TSKS: variants seen among roughly 807,000 people sequenced by gnomAD.
TSKS encodes testis-specific serine kinase substrate.
Under a neutral mutation model 68.0 loss-of-function variants are expected in TSKS, and 27 were observed. The ratio of observed to expected loss-of-function variants is 0.40; its 90% CI spans 0.29 to 0.55. The LOEUF is 0.55. TSKS is among the 20% of genes least tolerant of loss of function. The probability of loss-of-function intolerance (pLI) is 0.53; values close to 1 mark genes in which losing one functional copy is unlikely to be tolerated. For synonymous variants in TSKS, 331 were observed against 340.4 expected (o/e 0.97, Z 0.30); for missense variants, 806 against 776.0 (o/e 1.04, Z -0.46).
Position 49,763,147 on chromosome 19 carries a change from T to G in TSKS, c.101A>C (p.Glu34Ala), listed in dbSNP as rs955738462. 4.3e-6 allele frequency: 7 copies of G among 1,610,670 alleles called. No homozygotes were observed. Among genetic ancestry groups the G allele is most frequent in the Non-Finnish European group, 5.9e-6 (7 of 1,178,468 alleles). ...GVESCSQLVP[E>A]APRRVTSRAK... ...CCGGCTGGTCACCCTCCGGGGAGCC[T>G]CTGGGACTAGCTGGGAGCAGCTCTC... is the stretch of plus-strand genomic sequence containing the variant. Residue 34 changes from glutamate to alanine, a missense_variant, in exon 1 of 11, where the codon GAG (glutamate) becomes GCG (alanine). Glu to Ala is a moderately radical substitution (Grantham distance 107, BLOSUM62 -1). Coordinates refer to ENST00000246801, the MANE Select transcript of TSKS (RefSeq NM_021733.2). This position sits in a 1 kb window ranked among gnomAD's most constrained non-coding sequence, Gnocchi z 4.5.
At chr19:49,741,407 T>G (rs534065825) in intron 9 of TSKS, among the ~76,000 whole-genome samples, 13 of 152,332 alleles carry the variant, frequency 8.5e-5, no homozygotes, top group Admixed American at 6.5e-4. Flanking sequence ...ACTATTGGGC[T>G]GAGTGTGTTG....
intron 2 of TSKS, among the ~76,000 whole-genome samples, chr19:49,749,086 T>A (rs2084327389): frequency 6.6e-6 from 1 of 151,390 alleles, no homozygotes; most frequent in African/African-American, 2.4e-5. Context: ...GTCCTTGGGG[T>A]CCACAGCTTA....
intron 5 of TSKS, 124 bp from the exon 6 acceptor site, chr19:49,746,922 T>C: frequency 6.7e-7 from 1 of 1,488,086 alleles, no homozygotes; most frequent in Non-Finnish European, 8.9e-7. Context: ...GGACAGTATG[T>C]TGGAAGTCTC....
intron 2 of TSKS, among the ~76,000 whole-genome samples, chr19:49,760,129 TAC>T (rs1414798809): frequency 7.2e-5 from 11 of 151,782 alleles, no homozygotes; most frequent in Admixed American, 6.6e-4. Flanking sequence ...CCAGCCTGGC[TAC>T]AGAGTGAGAC....
chr19:49,745,433 G>A, intron 6 of TSKS, 37 bp from the exon 7 acceptor site: 1 of 1,457,544 alleles, frequency 6.9e-7, no homozygotes, highest in Non-Finnish European at 9.1e-7. Flanking sequence ...TAGGGGCTAG[G>A]CTTCAACAGG....
Position 49,763,051 on chromosome 19 carries a change from A to G in TSKS, c.170+27T>C. On this transcript the variant is annotated intron_variant, in intron 1 of 10. Coordinates refer to ENST00000246801, the MANE Select transcript of TSKS (RefSeq NM_021733.2). The surrounding 1 kb of genome is among the most constrained non-coding windows in gnomAD (Gnocchi z 4.5). Reference sequence around the variant, plus strand: ...GGAGGTAGTGCTGGGCATTAGAACCATCCCTGACAGTGTGCAACAAACCCA... The same window carrying G: ...GGAGGTAGTGCTGGGCATTAGAACCGTCCCTGACAGTGTGCAACAAACCCA... The G allele has an allele frequency of 6.2e-7, 1 of 1,604,076 alleles. No homozygotes were observed.
At chr19:49,759,170 T>A (rs532866391) in intron 2 of TSKS, among the ~76,000 whole-genome samples, 132 of 151,550 alleles carry the variant, frequency 8.7e-4, no homozygotes, top group African/African-American at 2.9e-3. Context: ...AATATTTTTT[T>A]AAAAAATTAG....
At position 49,757,433 on chromosome 19, in the gene TSKS, T is replaced by A. The variant is rs1406967148; in HGVS notation, c.399+4571A>T. Among the ~76,000 whole-genome samples the A allele has an allele frequency of 2.6e-5, 4 of 152,216 alleles. No homozygotes were observed. In the East Asian group the frequency reaches 7.7e-4, roughly 29 times the overall value. On this transcript the variant is annotated intron_variant, in intron 2 of 10. Transcript: ENST00000246801. Reference sequence around the variant, plus strand: ...AATAGAAAGCATTACACAAAGTGTCTTTCTAACCTGAAGACTCAGAAGGTC... The same window carrying A: ...AATAGAAAGCATTACACAAAGTGTCATTCTAACCTGAAGACTCAGAAGGTC...
intron 2 of TSKS, among the ~76,000 whole-genome samples, chr19:49,750,878 T>C (rs1447019419): frequency 6.6e-6 from 1 of 152,162 alleles, no homozygotes; most frequent in Non-Finnish European, 1.5e-5. Context: ...GCTGAACTAA[T>C]ACACAAAAGA....
chr19:49,759,647 C>CA (rs58074826), intron 2 of TSKS, among the ~76,000 whole-genome samples: 1,838 of 112,518 alleles, frequency 0.016, 21 homozygotes, highest in Non-Finnish European at 0.021. Flanking sequence ...GACCCAGTCT[C>CA]AAAAAAAAAA....
chr19:49,747,496 G>T (rs1304540893), intron 4 of TSKS, 24 bp from the exon 5 acceptor site: 1 of 1,612,768 alleles, frequency 6.2e-7, no homozygotes, highest in East Asian at 2.2e-5. Flanking sequence ...CAGGGCGAGG[G>T]CCCTGCCTTC....
chr19:49,747,967 C>G, intron 4 of TSKS, 118 bp downstream of exon 4: 1 of 988,654 alleles, frequency 1.0e-6, no homozygotes. Context: ...CCTCGGCCTC[C>G]CAAAGTGCTG....
intron 2 of TSKS, among the ~76,000 whole-genome samples, chr19:49,753,285 G>A (rs954521712): frequency 2.6e-5 from 4 of 152,022 alleles, no homozygotes; most frequent in South Asian, 2.1e-4. Flanking sequence ...AAAATAGGCC[G>A]GGCGTGTTGG....
At chr19:49,761,983 G>T (rs751372849) in intron 2 of TSKS, 21 bp downstream of exon 2, 11 of 1,588,176 alleles carry the variant, frequency 6.9e-6, no homozygotes, top group Non-Finnish European at 9.5e-6. Context: ...CTCCCCAGCG[G>T]GTGGTGTGGA....
At chr19:49,748,688 T>C (rs1370856426) in intron 2 of TSKS, among the ~76,000 whole-genome samples, 2 of 151,262 alleles carry the variant, frequency 1.3e-5, no homozygotes, top group African/African-American at 4.9e-5. Flanking sequence ...GGGAGAAAAA[T>C]AGGATCCAGG....
In TSKS at chr19:49,747,377, C is replaced by G; in HGVS notation, c.663+12G>C. ...CCTCCCACAAATCCTGGGACTGCCC[C>G]CTAGCCCTTACCTCCAGCAGGGCAG... On this transcript the variant is annotated intron_variant, in intron 5 of 10. Coordinates refer to ENST00000246801, the MANE Select transcript of TSKS (RefSeq NM_021733.2). The G allele has an allele frequency of 6.2e-7, 1 of 1,614,162 alleles. No individual in the cohort carries two copies.
chr19:49,759,662 A>C (rs2084424062), intron 2 of TSKS, among the ~76,000 whole-genome samples: 2 of 148,740 alleles, frequency 1.3e-5, no homozygotes, highest in East Asian at 2.0e-4. Flanking sequence ...AAAAAAAAAA[A>C]CCGAAAGAAA....
chr19:49,747,215 T>C lies in TSKS; in HGVS notation c.663+174A>G, dbSNP rs1197713602. 2.0e-6 allele frequency: 3 copies of C among 1,538,170 alleles called. No individual in the cohort carries two copies. In the African/African-American group the frequency reaches 4.1e-5, roughly 21 times the overall value. ...GCAGGGCAAGAGTCCCCCATCTGGGTGTTGGAGCCTCATTTGAATCCCTCT... is the reference window on the plus strand; with the variant it reads ...GCAGGGCAAGAGTCCCCCATCTGGGCGTTGGAGCCTCATTTGAATCCCTCT... On this transcript the variant is annotated intron_variant, in intron 5 of 10. Transcript: ENST00000246801.
At chr19:49,740,254 G>A (rs575490142) in intron 9 of TSKS, 71 bp from the exon 10 acceptor site, 27 of 1,539,368 alleles carry the variant, frequency 1.8e-5, no homozygotes, top group South Asian at 9.6e-5. Context: ...ACTGGATTGC[G>A]GAGGGCAAAG....
Sources: gnomAD v4.1 joint callset for allele counts (sites outside exome capture counted in the v4.1 genomes callset) on GRCh38, gnomAD v4.1.1 for gene constraint, Gnocchi (gnomAD v3.1) non-coding constraint, MANE v1.5 for transcripts, NCBI Gene and HGNC (gene_info 2026-07-23, HGNC 2026-07-21) for gene names.